Variants in DMBT1 observed in about 807,000 individuals in gnomAD.
DMBT1 encodes scavenger receptor cysteine-rich domain-containing protein DMBT1.
Under a neutral mutation model 252.9 loss-of-function variants are expected in DMBT1, and 198 were observed. The ratio of observed to expected loss-of-function variants is 0.78; its 90% CI spans 0.70 to 0.88. The LOEUF (loss-of-function observed/expected upper bound fraction) is 0.88, where lower values mean the gene tolerates loss of function less well. Among genes scored for constraint, DMBT1 ranks in the 40% least tolerant of loss-of-function variants. The pLI is 0.00. For missense variants in DMBT1, 2,432 were observed against 2,404.7 expected (o/e 1.01, Z -0.24); for synonymous variants, 990 against 942.7 (o/e 1.05, Z -0.92).
chr10:122,569,956 C>T (rs1216948809), intron 2 of DMBT1, among the ~76,000 whole-genome samples: 2 of 152,062 alleles, frequency 1.3e-5, no homozygotes, highest in Admixed American at 6.5e-5. Flanking sequence ...GGGAGGGTAA[C>T]AGGAGCAAAG....
intron 1 of DMBT1, among the ~76,000 whole-genome samples, chr10:122,565,548 G>A (rs944159009): frequency 3.9e-5 from 6 of 152,148 alleles, no homozygotes; most frequent in Non-Finnish European, 5.9e-5. Context: ...TGAGTCAGAA[G>A]GAACAGAATA....
In DMBT1 at chr10:122,587,158, G is replaced by A. The variant is rs754336390; in HGVS notation, c.1783+775G>A. ...AACTATAGCATGCTGCCTCTCCAGG[G>A]TTCCACCTTTCCCCTACTGAAAGGT... On this transcript the variant is annotated intron_variant, in intron 16 of 55. Transcript: ENST00000338354. Among the ~76,000 whole-genome samples the A allele has an allele frequency of 4.4e-4, 65 of 148,222 alleles. 7 individuals carry two copies. Among genetic ancestry groups the A allele is most frequent in the Non-Finnish European group, 7.1e-4 (47 of 66,614 alleles).
chr10:122,570,726 C>A (rs1409511588), intron 3 of DMBT1, among the ~76,000 whole-genome samples, 164 bp from the exon 4 acceptor site: 1 of 152,096 alleles, frequency 6.6e-6, no homozygotes, highest in Non-Finnish European at 1.5e-5. Context: ...CAGCCTGGAG[C>A]CAGTACGGTA....
intron 46 of DMBT1, among the ~76,000 whole-genome samples, chr10:122,629,572 G>A (rs1244172897): frequency 6.6e-6 from 1 of 152,212 alleles, no homozygotes; most frequent in Non-Finnish European, 1.5e-5. Flanking sequence ...TTTTGCTAGA[G>A]GTGACACATG....
chr10:122,600,012 G>A (rs946566547), intron 26 of DMBT1, 52 bp from the exon 27 acceptor site: 3 of 1,598,114 alleles, frequency 1.9e-6, no homozygotes, highest in African/African-American at 1.4e-5. Context: ...GTTCCACTTT[G>A]CCGACTTCTG....
intron 43 of DMBT1, 76 bp downstream of exon 43, chr10:122,620,367 T>C: frequency 6.5e-7 from 1 of 1,549,344 alleles, no homozygotes; most frequent in Non-Finnish European, 8.9e-7. Flanking sequence ...AATGAAAGAA[T>C]GAGGCTCAAG....
At chr10:122,561,877 T>A (rs139990097) in intron 1 of DMBT1, among the ~76,000 whole-genome samples, 1,467 of 143,808 alleles carry the variant, frequency 0.01, 6 homozygotes, top group Non-Finnish European at 0.014. Context: ...TTTCTCTTTA[T>A]TGGGCAGCTA....
chr10:122,585,134 C>A (rs1487890682), intron 14 of DMBT1, 137 bp from the exon 15 acceptor site: 7 of 1,178,636 alleles, frequency 5.9e-6, no homozygotes, highest in Non-Finnish European at 8.6e-6. Context: ...CAGACTTGGG[C>A]AGACACATGG....
rs201767228 is a variant in DMBT1, at chr10:122,578,698, C to G, written c.638-20C>G. On this transcript the variant is annotated intron_variant, in intron 8 of 55. Coordinates refer to ENST00000338354, the MANE Select transcript of DMBT1 (RefSeq NM_001377530.1). ...CCCTTCAAGTCCAATTGTATCCTTT[C>G]TCTTTGTTGCTGTTTACAGAAAGTT... is the stretch of plus-strand genomic sequence containing the variant. 8.7e-6 allele frequency: 14 copies of G among 1,600,278 alleles called. No individual in the cohort carries two copies. In the East Asian group the frequency reaches 3.1e-4, roughly 36 times the overall value.
intron 41 of DMBT1, among the ~76,000 whole-genome samples, 152 bp downstream of exon 41, chr10:122,618,492 A>G (rs934997962): frequency 3.9e-5 from 6 of 152,206 alleles, no homozygotes; most frequent in Non-Finnish European, 7.3e-5. Context: ...ATCTTTATGA[A>G]TTTTGCTACA....
chr10:122,639,848 AGT>A (rs1290767876), intron 54 of DMBT1, among the ~76,000 whole-genome samples, 190 bp from the exon 55 acceptor site: 1 of 152,192 alleles, frequency 6.6e-6, no homozygotes, highest in Non-Finnish European at 1.5e-5. Context: ...CTGGACCCAG[AGT>A]GTAAGCTCTG....
chr10:122,587,873 G>A (rs1356072488), intron 16 of DMBT1, among the ~76,000 whole-genome samples: 1 of 148,504 alleles, frequency 6.7e-6, no homozygotes. Context: ...GGATGGGGCA[G>A]GCAAACCCTT....
In DMBT1 at chr10:122,640,405, C is replaced by T. The variant is rs189541563; in HGVS notation, c.7308C>T (p.Tyr2436=). The T allele has an allele frequency of 5.6e-6, 9 of 1,613,980 alleles. No individual in the cohort carries two copies. In the African/African-American group the frequency reaches 1.2e-4, roughly 22 times the overall value. Residue 2436 remains tyrosine (Y), a synonymous_variant, in exon 55 of 56, where the codon TAC becomes TAT. Coordinates refer to ENST00000338354, the MANE Select transcript of DMBT1 (RefSeq NM_001377530.1). ...TGGACACCTGCGTGGCATCACCATA[C>T]TCCAATGACTTCACGTCTTTGACTT... is the stretch of plus-strand genomic sequence containing the variant. ...LFVDTCVASP[Y]SNDFTSLTYD...
intron 2 of DMBT1, among the ~76,000 whole-genome samples, 195 bp from the exon 3 acceptor site, chr10:122,569,967 G>A (rs1265013115): frequency 6.6e-6 from 1 of 152,186 alleles, no homozygotes; most frequent in East Asian, 1.9e-4. Flanking sequence ...AGGAGCAAAG[G>A]ATGCTGGTGT....
chr10:122,643,140 C>T lies in DMBT1; in HGVS notation c.7371C>T (p.Thr2457=). The change falls in exon 56 of 56, where the codon ACC becomes ACT. Residue 2457 remains threonine (T), a synonymous_variant. Transcript: ENST00000338354. ...CTTCCAGATGCGTGAGGGATGACAC[C>T]TACGGACCCTACTCCTCGCCATCTC... ...LIRSGCVRDD[T]YGPYSSPSLR... 1 of 1,613,876 alleles carries T rather than the reference C, an allele frequency of 6.2e-7. No homozygotes were observed. The highest frequency in any genetic ancestry group is 8.5e-7 in the Non-Finnish European group (1 of 1,179,846).
intron 17 of DMBT1, among the ~76,000 whole-genome samples, chr10:122,589,787 C>G (rs2097830912): frequency 6.7e-6 from 1 of 148,302 alleles, no homozygotes; most frequent in East Asian, 2.1e-4. Context: ...TTTCAACCAC[C>G]AGTTCTTGCT....
chr10:122,580,085 AG>A (rs2097754586), intron 10 of DMBT1, among the ~76,000 whole-genome samples, 184 bp downstream of exon 10: 2 of 152,208 alleles, frequency 1.3e-5, no homozygotes, highest in Non-Finnish European at 2.9e-5. Context: ...CACTTAGGAC[AG>A]GGGATCAAAC....
chr10:122,578,769 C>A lies in DMBT1; in HGVS notation c.679+10C>A. 7 of 1,603,834 alleles carry A rather than the reference C, an allele frequency of 4.4e-6. No individual in the cohort carries two copies. The highest frequency in any genetic ancestry group is 6.0e-6 in the Non-Finnish European group (7 of 1,174,248). On this transcript the variant is annotated intron_variant, in intron 9 of 55. Transcript: ENST00000338354. ...CCTGTACCCACAGAAGGTAAAGAAT[C>A]CTCTCAACACTCCCTGGGGCTCACT...
At chr10:122,576,801 C>A in intron 7 of DMBT1, 79 bp downstream of exon 7, 2 of 1,568,334 alleles carry the variant, frequency 1.3e-6, no homozygotes, top group South Asian at 1.2e-5. Flanking sequence ...ATGAGGTAGG[C>A]AGATTGCTTG....
Sources: gnomAD v4.1 joint callset for allele counts (sites outside exome capture counted in the v4.1 genomes callset) on GRCh38, gnomAD v4.1.1 for gene constraint, MANE v1.5 for transcripts, NCBI Gene and HGNC (gene_info 2026-07-23, HGNC 2026-07-21) for gene names.